The following PDE4D variants were observed in gnomAD, a reference collection of about 807,000 sequenced individuals.
PDE4D encodes the protein phosphodiesterase 4D.
Under a neutral mutation model 87.4 loss-of-function variants are expected in PDE4D, and 24 were observed. The observed-to-expected ratio is 0.27, with a 90% CI of 0.20 to 0.39. PDE4D has a LOEUF of 0.39. Ranked by LOEUF, PDE4D falls within the 10% of genes least tolerant of loss-of-function variation. The pLI is 1.00. For synonymous variants in PDE4D, 384 were observed against 383.2 expected, an observed-to-expected ratio of 1.00 and a Z score of -0.02; for missense variants, 714 against 1,041.0, an observed-to-expected ratio of 0.69 and a Z score of 4.32.
At chr5:59,067,107 C>G (rs1764069481) in intron 5 of PDE4D, among the ~76,000 whole-genome samples, 1 of 151,864 alleles carries the variant, frequency 6.6e-6, no homozygotes, top group East Asian at 1.9e-4. Context: ...CTCTCCTTCC[C>G]AGGTGCAAGT....
At chr5:59,892,508 C>T (rs1351056797) in intron 1 of PDE4D, among the ~76,000 whole-genome samples, 1 of 151,972 alleles carries the variant, frequency 6.6e-6, no homozygotes, top group East Asian at 1.9e-4. Flanking sequence ...CTCCCTCACC[C>T]CCTTGTCTCT....
intron 1 of PDE4D, among the ~76,000 whole-genome samples, chr5:59,626,341 A>C (rs915241210): frequency 6.6e-6 from 1 of 152,256 alleles, no homozygotes; most frequent in Non-Finnish European, 1.5e-5. Flanking sequence ...CAAAACATCA[A>C]GTTGTTCACT....
chr5:60,395,245 T>C (rs917905079), intron 1 of PDE4D, among the ~76,000 whole-genome samples: 2 of 152,282 alleles, frequency 1.3e-5, no homozygotes, highest in Admixed American at 6.5e-5. Context: ...GAATAACTTG[T>C]TGAAAACCAA....
intron 1 of PDE4D, among the ~76,000 whole-genome samples, chr5:60,385,965 C>T (rs2150015672): frequency 6.6e-6 from 1 of 152,208 alleles, no homozygotes; most frequent in Non-Finnish European, 1.5e-5. Flanking sequence ...TGTTTGTGCA[C>T]ATGGCTACAC....
intron 1 of PDE4D, among the ~76,000 whole-genome samples, chr5:60,384,689 T>C (rs945677462): frequency 6.6e-6 from 1 of 152,138 alleles, no homozygotes; most frequent in Non-Finnish European, 1.5e-5. Flanking sequence ...TTTGTTTCTG[T>C]TGGGTTCTTC....
intron 5 of PDE4D, among the ~76,000 whole-genome samples, chr5:59,051,799 G>T (rs944939470): frequency 6.6e-6 from 1 of 152,108 alleles, no homozygotes; most frequent in Non-Finnish European, 1.5e-5. Flanking sequence ...TATATGTCAG[G>T]TAACTCCAAA....
intron 1 of PDE4D, among the ~76,000 whole-genome samples, chr5:59,293,453 T>C (rs1327896072): frequency 3.3e-5 from 5 of 152,228 alleles, no homozygotes; most frequent in African/African-American, 7.2e-5. Flanking sequence ...TTAGAGAAAC[T>C]AGAACCATGA....
chr5:59,945,151 T>C (rs544096759), intron 3 of PDE4D, among the ~76,000 whole-genome samples: 1 of 152,330 alleles, frequency 6.6e-6, no homozygotes, highest in East Asian at 1.9e-4. Context: ...ATAAAAGTAG[T>C]TTAGTTAATT....
At chr5:60,028,356 T>G (rs1766867956) in intron 2 of PDE4D, among the ~76,000 whole-genome samples, 1 of 152,230 alleles carries the variant, frequency 6.6e-6, no homozygotes, top group Non-Finnish European at 1.5e-5. Flanking sequence ...CCTTCACCAC[T>G]GTGCAATCTC....
At chr5:59,742,618 A>G (rs1280788730) in intron 1 of PDE4D, among the ~76,000 whole-genome samples, 1 of 152,172 alleles carries the variant, frequency 6.6e-6, no homozygotes, top group Non-Finnish European at 1.5e-5. Context: ...TGATGTAGGC[A>G]CAAGGGTTTT....
At chr5:59,473,760 A>G (rs927772157) in intron 1 of PDE4D, among the ~76,000 whole-genome samples, 1 of 152,242 alleles carries the variant, frequency 6.6e-6, no homozygotes. Context: ...ATCACCCTCA[A>G]GCAAATGGTC....
intron 1 of PDE4D, among the ~76,000 whole-genome samples, chr5:60,381,524 C>G (rs1761859720): frequency 6.6e-6 from 1 of 152,134 alleles, no homozygotes; most frequent in African/African-American, 2.4e-5. Flanking sequence ...CTTGGGAACC[C>G]CTGATACAGT....
chr5:59,999,254 T>C (rs754746049), intron 2 of PDE4D, among the ~76,000 whole-genome samples: 2 of 152,134 alleles, frequency 1.3e-5, no homozygotes, highest in African/African-American at 2.4e-5. Context: ...GTGGAATGTA[T>C]GTCCAATGTT....
intron 1 of PDE4D, among the ~76,000 whole-genome samples, chr5:59,285,235 G>T (rs1487827285): frequency 1.3e-5 from 2 of 149,520 alleles, no homozygotes; most frequent in Admixed American, 1.3e-4. Flanking sequence ...AAAGAAAACA[G>T]GGAATGAGGC....
chr5:60,106,014 C>A (rs549610387), intron 2 of PDE4D, among the ~76,000 whole-genome samples: 4 of 152,152 alleles, frequency 2.6e-5, no homozygotes, highest in Non-Finnish European at 4.4e-5. Flanking sequence ...ACAATATTAA[C>A]TTTAAATGTA....
intron 2 of PDE4D, among the ~76,000 whole-genome samples, chr5:60,000,698 G>T (rs917369808): frequency 1.2e-4 from 18 of 152,088 alleles, no homozygotes; most frequent in South Asian, 2.1e-4. Context: ...CTCTGGTATA[G>T]AACTTAATTA....
At chr5:59,119,133 T>A (rs887036396) in intron 5 of PDE4D, among the ~76,000 whole-genome samples, 3 of 152,190 alleles carry the variant, frequency 2.0e-5, no homozygotes, top group Admixed American at 1.3e-4. Context: ...TCTTCCTGCC[T>A]CCTTTAAGGT....
intron 5 of PDE4D, among the ~76,000 whole-genome samples, chr5:59,118,402 C>A (rs774064243): frequency 6.6e-6 from 1 of 152,128 alleles, no homozygotes; most frequent in Admixed American, 6.5e-5. Context: ...TTTCCACCTG[C>A]GTATCTCATG....
intron 1 of PDE4D, among the ~76,000 whole-genome samples, chr5:59,877,398 G>T (rs1365728428): frequency 6.9e-6 from 1 of 145,384 alleles, no homozygotes; most frequent in Non-Finnish European, 1.5e-5. Flanking sequence ...AAACATACAT[G>T]TTCATAAGTG....
Sources: allele counts gnomAD v4.1 joint callset (sites outside exome capture counted in the v4.1 genomes callset), GRCh38; gene constraint gnomAD v4.1.1; transcripts MANE v1.5; gene names NCBI Gene and HGNC (gene_info 2026-07-23, HGNC 2026-07-21).